TPST2: variants seen among roughly 807,000 people sequenced by gnomAD.
The protein encoded by TPST2 is tyrosylprotein sulfotransferase 2.
TPST2 carries 16 observed loss-of-function variants against 27.8 expected under a neutral mutation model. The ratio of observed to expected loss-of-function variants is 0.58; its 90% CI spans 0.39 to 0.88. The LOEUF (loss-of-function observed/expected upper bound fraction) is 0.88, where lower values mean the gene tolerates loss of function less well. Among genes scored for constraint, TPST2 ranks in the 40% least tolerant of loss-of-function variants. The pLI is 0.00. For missense variants in TPST2, 464 were observed against 543.1 expected (o/e 0.85, Z 1.45); for synonymous variants, 229 against 231.7 (o/e 0.99, Z 0.10).
intron 1 of TPST2, among the ~76,000 whole-genome samples, chr22:26,551,274 A>G (rs1926454559): frequency 6.6e-6 from 1 of 152,166 alleles, no homozygotes; most frequent in Admixed American, 6.5e-5. Context: ...TGACAGGGAG[A>G]GATTCTGCCT....
At chr22:26,588,279 T>A (rs1424333927) in intron 1 of TPST2, among the ~76,000 whole-genome samples, 1 of 151,386 alleles carries the variant, frequency 6.6e-6, no homozygotes, top group Admixed American at 6.6e-5. Flanking sequence ...GTGAAAAGCA[T>A]CAGATACCAA....
At chr22:26,555,256 T>G (rs767118859) in intron 1 of TPST2, 2 of 531,270 alleles carry the variant, frequency 3.8e-6, no homozygotes. Context: ...TAATGCAGTT[T>G]TTGCCACTGA....
At chr22:26,584,298 G>A (rs1050115174) in intron 1 of TPST2, among the ~76,000 whole-genome samples, 2 of 152,160 alleles carry the variant, frequency 1.3e-5, no homozygotes, top group South Asian at 2.1e-4. Flanking sequence ...GGAACAGAGC[G>A]AGTAGGGAGG....
intron 1 of TPST2, among the ~76,000 whole-genome samples, chr22:26,559,626 T>C (rs1189276402): frequency 6.6e-6 from 1 of 152,230 alleles, no homozygotes; most frequent in Non-Finnish European, 1.5e-5. Context: ...TTCTGAACAT[T>C]TCATAAAAAT....
At chr22:26,582,272 C>G (rs1208296584) in intron 1 of TPST2, among the ~76,000 whole-genome samples, 1 of 152,036 alleles carries the variant, frequency 6.6e-6, no homozygotes, top group Non-Finnish European at 1.5e-5. Context: ...ACTAAAAATA[C>G]AAAAATTAGC....
intron 1 of TPST2, among the ~76,000 whole-genome samples, chr22:26,550,042 AAAAAAAAAC>A (rs1926381934): frequency 8.0e-6 from 1 of 125,032 alleles, no homozygotes; most frequent in Middle Eastern, 3.7e-3. Context: ...TCCATCTCAA[AAAAAAAAAC>A]AAAAAAAACA....
At chr22:26,536,940 C>T (rs1019925160) in intron 3 of TPST2, among the ~76,000 whole-genome samples, 4 of 151,966 alleles carry the variant, frequency 2.6e-5, no homozygotes, top group Admixed American at 6.6e-5. Context: ...CCAGCAGCTG[C>T]GCAGGAGGCT....
Position 26,536,309 on chromosome 22 carries a change from G to C in TPST2, c.1020C>G (p.Phe340Leu), listed in dbSNP as rs1602255820. The C allele has an allele frequency of 6.2e-7, 1 of 1,614,200 alleles. No individual in the cohort carries two copies. Among genetic ancestry groups the C allele is most frequent in the Non-Finnish European group, 8.5e-7 (1 of 1,180,054 alleles). The part of the protein sequence containing the change: ...NPPNYGNPDP[F>L]VINNTQRVLK... ...TCACCCGCTGTGTGTTGTTGATGAC[G>C]AAGGGGTCAGGGTTGCCATAGTTGG... The change falls in exon 4 of 7, where the codon TTC becomes TTG. Residue 340 changes from phenylalanine to leucine, a missense_variant. Coordinates refer to ENST00000338754, the MANE Select transcript of TPST2 (RefSeq NM_003595.5).
rs555606568 is a variant in TPST2, at chr22:26,569,057, C to G, written c.-161+20996G>C. On this transcript the variant is annotated intron_variant, in intron 1 of 6. Coordinates refer to ENST00000338754, the MANE Select transcript of TPST2 (RefSeq NM_003595.5). The stretch of plus-strand genomic sequence containing the variant: ...TTTTCGTATTTTCAGTAGAGACGGG[C>G]TTTCACTGTGTTAGCCAGGATGGTC... 2.8e-4 allele frequency among the ~76,000 whole-genome samples: 43 copies of G among 152,150 alleles called. No individual in the cohort carries two copies. The East Asian group carries it at 3.9e-3, about 14-fold the overall frequency.
chr22:26,543,768 G>C (rs535310968), intron 2 of TPST2, among the ~76,000 whole-genome samples: 3 of 152,362 alleles, frequency 2.0e-5, no homozygotes, highest in African/African-American at 7.2e-5. Flanking sequence ...CAAGGCTGAA[G>C]AAAACAGCTC....
chr22:26,566,356 T>A (rs2045483806), intron 1 of TPST2, among the ~76,000 whole-genome samples: 1 of 151,970 alleles, frequency 6.6e-6, no homozygotes. Context: ...ATCGAGACCA[T>A]CCTGGCCAAC....
At chr22:26,529,854 G>A (rs754955270) in intron 5 of TPST2, among the ~76,000 whole-genome samples, 5 of 151,746 alleles carry the variant, frequency 3.3e-5, no homozygotes, top group Non-Finnish European at 5.9e-5. Flanking sequence ...GTCTCACTGT[G>A]TTGGCCTTGA....
intron 6 of TPST2, among the ~76,000 whole-genome samples, chr22:26,527,418 A>G (rs1215629218): frequency 6.6e-6 from 1 of 152,184 alleles, no homozygotes; most frequent in Non-Finnish European, 1.5e-5. Flanking sequence ...ACGCCATCTC[A>G]TGGCCAACCT....
At chr22:26,578,509 G>A (rs920452605) in intron 1 of TPST2, among the ~76,000 whole-genome samples, 1 of 152,136 alleles carries the variant, frequency 6.6e-6, no homozygotes, top group Non-Finnish European at 1.5e-5. Context: ...CACGCTCTGC[G>A]ATCCTCAGGA....
rs1924823960 is a variant in TPST2, at chr22:26,526,131, C to T, written c.*144G>A. On this transcript the variant is annotated 3_prime_UTR_variant, in exon 7 of 7. Transcript: ENST00000338754. Reference sequence around the variant, plus strand: ...TACGTTTTCAATGATTCAGCTTTTGCAAACATATGCAAATACATTCCTCAT... The same window carrying T: ...TACGTTTTCAATGATTCAGCTTTTGTAAACATATGCAAATACATTCCTCAT... The T allele has an allele frequency of 6.6e-6, 1 of 152,236 alleles. No homozygotes were observed. The highest frequency in any genetic ancestry group is 2.4e-5 in the African/African-American group (1 of 41,464). 9.4% of individuals were successfully genotyped at this position (152,236 alleles called of 1,614,324 possible). A position where few individuals can be genotyped will look rare whatever the true frequency, so the allele number is the denominator to read the frequency against.
At chr22:26,544,952 G>A (rs1926041954) in intron 1 of TPST2, among the ~76,000 whole-genome samples, 1 of 152,198 alleles carries the variant, frequency 6.6e-6, no homozygotes, top group Non-Finnish European at 1.5e-5. Flanking sequence ...GGAGCCCCTG[G>A]TTTATGCCAA....
At chr22:26,583,223 T>C (rs1602308271) in intron 1 of TPST2, among the ~76,000 whole-genome samples, 1 of 146,350 alleles carries the variant, frequency 6.8e-6, no homozygotes, top group South Asian at 2.2e-4. Context: ...TCACTTGAGG[T>C]GAGGAGTTCA....
chr22:26,572,780 TTTC>T (rs1211439476), intron 1 of TPST2, among the ~76,000 whole-genome samples: 8 of 152,198 alleles, frequency 5.3e-5, no homozygotes, highest in Non-Finnish European at 8.8e-5. Context: ...GTGGGTTTTT[TTTC>T]TTCTTCTTCT....
At chr22:26,548,458 GA>G (rs1926248118) in intron 1 of TPST2, among the ~76,000 whole-genome samples, 1 of 150,914 alleles carries the variant, frequency 6.6e-6, no homozygotes, top group Non-Finnish European at 1.5e-5. Context: ...GAAAGGTAAG[GA>G]AAGGAGAAAG....
Sources: allele counts gnomAD v4.1 joint callset (sites outside exome capture counted in the v4.1 genomes callset), GRCh38; gene constraint gnomAD v4.1.1; transcripts MANE v1.5; gene names NCBI Gene and HGNC (gene_info 2026-07-23, HGNC 2026-07-21).